Variants in CNTNAP3 observed in about 807,000 individuals in gnomAD.
The protein encoded by CNTNAP3 is contactin-associated protein-like 3.
CNTNAP3 carries 36 observed loss-of-function variants against 92.1 expected under a neutral mutation model. The ratio of observed to expected loss-of-function variants is 0.39; its 90% confidence interval spans 0.30 to 0.52. CNTNAP3 has a LOEUF of 0.52. Ranked by LOEUF, CNTNAP3 falls within the 20% of genes least tolerant of loss-of-function variation. The probability of loss-of-function intolerance (pLI) is 0.76; values close to 1 mark genes in which losing one functional copy is unlikely to be tolerated. For synonymous variants in CNTNAP3, 232 were observed against 422.3 expected (o/e 0.55, Z 5.53); for missense variants, 534 against 1,069.6 (o/e 0.50, Z 6.98).
rs553246700 is a variant in CNTNAP3, at chr9:39,118,273, A to G, written c.2081-14T>C. 25 of 1,613,138 alleles carry G rather than the reference A, an allele frequency of 1.5e-5. No individual in the cohort carries two copies. In the African/African-American group the frequency reaches 2.8e-4, roughly 18 times the overall value. On this transcript the variant is annotated splice_polypyrimidine_tract_variant and intron_variant, in intron 13 of 23. Coordinates refer to ENST00000297668, the MANE Select transcript of CNTNAP3 (RefSeq NM_033655.5). ...GTGGGGTTCCATCTGAAAGACAAGT[A>G]TAAGAAACATGACATCTACTTTGTC...
intron 14 of CNTNAP3, among the ~76,000 whole-genome samples, chr9:39,112,174 ATATTT>A (rs1826763854): frequency 6.6e-6 from 1 of 151,476 alleles, no homozygotes; most frequent in Non-Finnish European, 1.5e-5. Flanking sequence ...CTTTTATTTT[ATATTT>A]TATTAAAATT....
At chr9:39,077,977 G>A (rs1614220) in intron 23 of CNTNAP3, among the ~76,000 whole-genome samples, 2 of 104,956 alleles carry the variant, frequency 1.9e-5, no homozygotes, top group African/African-American at 7.1e-5. Context: ...AGGCTGAGGC[G>A]GGCAGATCAC....
chr9:39,102,798 C>G, intron 16 of CNTNAP3, 83 bp from the exon 17 acceptor site: 2 of 873,708 alleles, frequency 2.3e-6, no homozygotes, highest in Non-Finnish European at 3.4e-6. Context: ...CATGAAGGCA[C>G]GCTCAGGATG....
intron 12 of CNTNAP3, among the ~76,000 whole-genome samples, chr9:39,137,424 A>G (rs1197459863): frequency 5.3e-5 from 8 of 152,094 alleles, no homozygotes; most frequent in Non-Finnish European, 1.0e-4. Context: ...TATCCATTAC[A>G]GCTTTTTCCA....
intron 15 of CNTNAP3, among the ~76,000 whole-genome samples, 165 bp downstream of exon 15, chr9:39,108,995 C>A (rs1488679352): frequency 1.3e-5 from 2 of 152,164 alleles, no homozygotes; most frequent in Non-Finnish European, 2.9e-5. Context: ...AAACACAGAT[C>A]TTCAGTACTG....
rs775470070 is a variant in CNTNAP3 at position 39,132,941 on chromosome 9, C to T, written c.2071G>A (p.Asp691Asn). The T allele has an allele frequency of 1.3e-6, 2 of 1,545,390 alleles. No individual in the cohort carries two copies. The highest frequency in any genetic ancestry group is 1.7e-6 in the Non-Finnish European group (2 of 1,155,532). The part of the protein sequence containing the change: ...ALRCGTARRP[D>N]SRDGTPLSWW... ...CAGGAGTGGCGCTTACCTCGTGAGTCCGGGCGCCGCGCCGTCCCGCAGCGC... is the reference window on the plus strand; with the variant it reads ...CAGGAGTGGCGCTTACCTCGTGAGTTCGGGCGCCGCGCCGTCCCGCAGCGC... The change falls in exon 13 of 24, where the codon GAC (aspartate) becomes AAC (asparagine). Residue 691 changes from aspartate to asparagine, a missense_variant. By Grantham distance (23) the Asp-to-Asn change is conservative. Transcript: ENST00000297668.
chr9:39,102,795 G>A lies in CNTNAP3; in HGVS notation c.2537-80C>T. ...TGTGCAGACACAGGAAAACATGAAG[G>A]CACGCTCAGGATGGAAGGAGATAAT... On this transcript the variant is annotated intron_variant, in intron 16 of 23. Coordinates refer to ENST00000297668, the MANE Select transcript of CNTNAP3 (RefSeq NM_033655.5). The A allele has an allele frequency of 2.9e-6, 3 of 1,033,590 alleles. No individual in the cohort carries two copies. The South Asian group carries it at 4.4e-5, about 15-fold the overall frequency. 64.0% of individuals were successfully genotyped at this position (1,033,590 alleles called of 1,614,324 possible). A position where few individuals can be genotyped will look rare whatever the true frequency, so the allele number is the denominator to read the frequency against.
chr9:39,131,220 T>A (rs1821285394), intron 13 of CNTNAP3, among the ~76,000 whole-genome samples: 1 of 151,842 alleles, frequency 6.6e-6, no homozygotes, highest in Non-Finnish European at 1.5e-5. Context: ...ACTGGAGAAC[T>A]GGGAAGGAGA....
At chr9:39,078,486 A>G (rs748724292) in intron 22 of CNTNAP3, 30 bp from the exon 23 acceptor site, 9 of 1,610,758 alleles carry the variant, frequency 5.6e-6, no homozygotes, top group Non-Finnish European at 7.6e-6. Flanking sequence ...AATGATGTTT[A>G]TTAGCTTGAT....
At chr9:39,115,535 A>G (rs1820836241) in intron 14 of CNTNAP3, among the ~76,000 whole-genome samples, 1 of 129,948 alleles carries the variant, frequency 7.7e-6, no homozygotes, top group African/African-American at 2.9e-5. Context: ...AAAAGTTGGG[A>G]TAGGATTTCA....
At chr9:39,102,313 A>AT (rs878869043) in intron 17 of CNTNAP3, among the ~76,000 whole-genome samples, 184 bp downstream of exon 17, 1 of 152,256 alleles carries the variant, frequency 6.6e-6, no homozygotes, top group Non-Finnish European at 1.5e-5. Context: ...AAACAAACAA[A>AT]AAAAGAAATG....
At chr9:39,113,262 G>A (rs1044227552) in intron 14 of CNTNAP3, among the ~76,000 whole-genome samples, 9 of 152,042 alleles carry the variant, frequency 5.9e-5, no homozygotes, top group Non-Finnish European at 1.2e-4. Flanking sequence ...TACTATCCAC[G>A]ACAGTAGTGA....
intron 17 of CNTNAP3, among the ~76,000 whole-genome samples, chr9:39,100,933 G>C (rs1826442427): frequency 6.6e-6 from 1 of 150,598 alleles, no homozygotes; most frequent in African/African-American, 2.4e-5. Context: ...ATTCCAATTC[G>C]GTGGGCCTAA....
Position 39,148,526 on chromosome 9 carries a change from C to CT in CNTNAP3, c.1649+1279dup, listed in dbSNP as rs887513999. 3.9e-3 allele frequency among the ~76,000 whole-genome samples: 535 copies of CT among 137,878 alleles called. 2 individuals carry two copies. The highest frequency in any genetic ancestry group is 9.7e-3 in the South Asian group (41 of 4,244). The allele number at this position is 137,878 out of a possible 152,430, so 90.5% of individuals were successfully genotyped here. ...AAAGTTCTACCAGATGCAGATATAA[C>CT]TTTTTTTTTTTTTTTTTTTGAGAAG... On this transcript the variant is annotated intron_variant, in intron 10 of 23. Coordinates refer to ENST00000297668, the MANE Select transcript of CNTNAP3 (RefSeq NM_033655.5).
intron 18 of CNTNAP3, among the ~76,000 whole-genome samples, chr9:39,092,774 C>T (rs1478810589): frequency 7.3e-6 from 1 of 136,900 alleles, no homozygotes; most frequent in African/African-American, 2.7e-5. Context: ...TCTTGGTAAT[C>T]TTCTGAGTAA....
chr9:39,161,767 A>T (rs1822078062), intron 9 of CNTNAP3, among the ~76,000 whole-genome samples: 1 of 130,418 alleles, frequency 7.7e-6, no homozygotes, highest in African/African-American at 3.0e-5. Context: ...GGAACCTCTT[A>T]AAGCCTGGGA....
At chr9:39,135,358 G>A (rs1488237016) in intron 12 of CNTNAP3, among the ~76,000 whole-genome samples, 4 of 151,724 alleles carry the variant, frequency 2.6e-5, no homozygotes, top group Admixed American at 2.0e-4. Flanking sequence ...CTGCAGCCTC[G>A]ACCTCCTGGG....
intron 23 of CNTNAP3, among the ~76,000 whole-genome samples, chr9:39,075,783 A>C (rs978547281): frequency 9.8e-5 from 15 of 152,414 alleles, no homozygotes; most frequent in African/African-American, 3.4e-4. Flanking sequence ...CAGACTTCTA[A>C]GCCACTGCGC....
intron 11 of CNTNAP3, among the ~76,000 whole-genome samples, chr9:39,141,662 T>C (rs1821577686): frequency 1.3e-5 from 2 of 152,192 alleles, no homozygotes; most frequent in South Asian, 2.1e-4. Context: ...TTGCCACTTA[T>C]GGCATATTGA....
Sources: gnomAD v4.1 joint callset for allele counts (sites outside exome capture counted in the v4.1 genomes callset) on GRCh38, gnomAD v4.1.1 for gene constraint, MANE v1.5 for transcripts, NCBI Gene and HGNC (gene_info 2026-07-23, HGNC 2026-07-21) for gene names.